Variants in SH3BGRL observed in about 807,000 individuals in gnomAD.
SH3BGRL encodes the protein adapter SH3BGRL.
In SH3BGRL, 7 loss-of-function variants were observed where a neutral mutation model predicts 9.8. The observed-to-expected ratio is 0.72, with a 90% CI of 0.41 to 1.35. The LOEUF (loss-of-function observed/expected upper bound fraction) is 1.35. Among genes scored for constraint, SH3BGRL ranks in the 40% most tolerant of loss-of-function variants. The pLI is 0.01. For missense variants in SH3BGRL, 73 were observed against 84.4 expected (o/e 0.86, Z 0.53); for synonymous variants, 36 against 29.1 (o/e 1.24, Z -0.76).
chrX:81,212,970 T>C (rs1244929972), intron 1 of SH3BGRL, among the ~76,000 whole-genome samples: 2 of 112,739 alleles, frequency 1.8e-5, no homozygotes, highest in African/African-American at 6.4e-5. Context: ...CTTTTTTTCA[T>C]TTCATAATGT....
At chrX:81,250,419 A>T (rs1329082988) in intron 1 of SH3BGRL, among the ~76,000 whole-genome samples, 4 of 110,721 alleles carry the variant, frequency 3.6e-5, no homozygotes, top group Non-Finnish European at 5.7e-5. Context: ...AAAAAAAAAA[A>T]AATAAAATAA....
At chrX:81,272,721 G>A (rs1037405148) in intron 1 of SH3BGRL, among the ~76,000 whole-genome samples, 3 of 109,809 alleles carry the variant, frequency 2.7e-5, no homozygotes, top group South Asian at 3.9e-4. Context: ...GGATGGTCTC[G>A]ATCTCCTGAC....
intron 1 of SH3BGRL, among the ~76,000 whole-genome samples, chrX:81,223,054 A>G (rs966930092): frequency 2.7e-5 from 3 of 111,348 alleles, no homozygotes; most frequent in African/African-American, 9.8e-5. Flanking sequence ...GTTTGAGTTC[A>G]TTGCAGATTC....
At chrX:81,269,298 T>A (rs1422965972) in intron 1 of SH3BGRL, among the ~76,000 whole-genome samples, 1 of 111,675 alleles carries the variant, frequency 9.0e-6, no homozygotes, top group African/African-American at 3.3e-5. Context: ...ATTGATGCAG[T>A]TTCTTCATAG....
chrX:81,221,227 C>A (rs920781446), intron 1 of SH3BGRL, among the ~76,000 whole-genome samples: 4 of 111,771 alleles, frequency 3.6e-5, no homozygotes, highest in Non-Finnish European at 7.5e-5. Flanking sequence ...AAGTCTCCAG[C>A]AATTATTGTG....
At chrX:81,283,064 C>CCTCT (rs2075823075) in intron 3 of SH3BGRL, among the ~76,000 whole-genome samples, 1 of 111,488 alleles carries the variant, frequency 9.0e-6, no homozygotes, top group East Asian at 2.8e-4. Flanking sequence ...AACTAGAAAA[C>CCTCT]CTAGAAGAGA....
chrX:81,279,411 A>G (rs954241303), intron 3 of SH3BGRL, among the ~76,000 whole-genome samples: 1 of 111,101 alleles, frequency 9.0e-6, no homozygotes, highest in Non-Finnish European at 1.9e-5. Context: ...CCCCAAATAG[A>G]CTGCAAGAAC....
At chrX:81,213,154 G>A (rs1018293970) in intron 1 of SH3BGRL, among the ~76,000 whole-genome samples, 4 of 111,684 alleles carry the variant, frequency 3.6e-5, no homozygotes, top group African/African-American at 1.3e-4. Context: ...AGAGATTTTG[G>A]GGAAGAAAAT....
At chrX:81,286,520 AAAAAG>A (rs1357911621) in intron 3 of SH3BGRL, among the ~76,000 whole-genome samples, 32 of 103,411 alleles carry the variant, frequency 3.1e-4, no homozygotes, top group Admixed American at 1.8e-3. Flanking sequence ...AAAAAAAAAA[AAAAAG>A]AGAGGGGAAA....
At chrX:81,290,327 A>C (rs1432609321) in intron 3 of SH3BGRL, among the ~76,000 whole-genome samples, 2 of 112,193 alleles carry the variant, frequency 1.8e-5, no homozygotes, top group Non-Finnish European at 3.8e-5. Context: ...GAAGTAACCT[A>C]AGTGTCCATG....
chrX:81,211,827 G>C, intron 1 of SH3BGRL, among the ~76,000 whole-genome samples: 1 of 110,959 alleles, frequency 9.0e-6, no homozygotes, highest in African/African-American at 3.3e-5. Context: ...CTTGCAGAAA[G>C]CCTATTGTGG....
intron 3 of SH3BGRL, among the ~76,000 whole-genome samples, chrX:81,293,759 A>G (rs767061697): frequency 2.7e-5 from 3 of 112,235 alleles, no homozygotes; most frequent in Admixed American, 9.4e-5. Context: ...AGAAGAAGAC[A>G]GGAAAATGTG....
chrX:81,273,013 G>C (rs189914430), intron 1 of SH3BGRL, among the ~76,000 whole-genome samples: 1 of 112,162 alleles, frequency 8.9e-6, no homozygotes, highest in Admixed American at 9.4e-5. Flanking sequence ...TTCAGTAGGA[G>C]AAATTGTGAG....
chrX:81,269,746 G>A (rs1444300827), intron 1 of SH3BGRL, among the ~76,000 whole-genome samples: 2 of 110,876 alleles, frequency 1.8e-5, no homozygotes, highest in East Asian at 5.7e-4. Flanking sequence ...TGTATTTCCC[G>A]AATTTGAATG....
intron 1 of SH3BGRL, among the ~76,000 whole-genome samples, chrX:81,258,996 G>A (rs2075733411): frequency 8.9e-6 from 1 of 112,661 alleles, no homozygotes; most frequent in Non-Finnish European, 1.9e-5. Flanking sequence ...CTGGCTCATA[G>A]TTTTCATCCA....
intron 3 of SH3BGRL, among the ~76,000 whole-genome samples, chrX:81,279,687 G>A (rs915689574): frequency 9.0e-6 from 1 of 111,291 alleles, no homozygotes; most frequent in Non-Finnish European, 1.9e-5. Context: ...CTGGTATCTC[G>A]CTGGGTCCCC....
At chrX:81,285,383 T>A (rs1223507391) in intron 3 of SH3BGRL, among the ~76,000 whole-genome samples, 2 of 111,752 alleles carry the variant, frequency 1.8e-5, no homozygotes, top group Non-Finnish European at 3.8e-5. Flanking sequence ...GTTACTGATG[T>A]TGGCATAAAT....
chrX:81,285,020 T>A, intron 3 of SH3BGRL, among the ~76,000 whole-genome samples: 1 of 111,034 alleles, frequency 9.0e-6, no homozygotes. Context: ...GGTGTGGTAT[T>A]GACAATGAAC....
At chrX:81,266,997 GCTCT>G (rs765041685) in intron 1 of SH3BGRL, among the ~76,000 whole-genome samples, 1 of 111,249 alleles carries the variant, frequency 9.0e-6, no homozygotes, top group African/African-American at 3.3e-5. Flanking sequence ...TCATGGTTTG[GCTCT>G]CTGTTTGTCT....
Sources: allele counts gnomAD v4.1 joint callset (sites outside exome capture counted in the v4.1 genomes callset), GRCh38; gene constraint gnomAD v4.1.1; transcripts MANE v1.5; gene names NCBI Gene and HGNC (gene_info 2026-07-23, HGNC 2026-07-21).